The following RBMS1 variants were observed in gnomAD, a reference collection of about 807,000 sequenced individuals.
RBMS1 encodes the protein RNA-binding motif, single-stranded-interacting protein 1.
A neutral mutation model predicts 62.3 loss-of-function variants in RBMS1; 17 were observed. The observed-to-expected ratio is 0.27, with a 90% CI of 0.19 to 0.41. RBMS1 has a LOEUF of 0.41. Among genes scored for constraint, RBMS1 ranks in the 10% least tolerant of loss-of-function variants. The pLI, the probability that RBMS1 is intolerant of heterozygous loss-of-function variation, is 1.00. For synonymous variants in RBMS1, 172 were observed against 170.0 expected (o/e 1.01, Z -0.09); for missense variants, 334 against 504.5 (o/e 0.66, Z 3.24).
chr2:160,407,986 C>G, intron 1 of RBMS1: 1 of 916,186 alleles, frequency 1.1e-6, no homozygotes, highest in Non-Finnish European at 1.3e-6. Flanking sequence ...CCCCGCCCGC[C>G]CGCTGGGCGC....
intron 1 of RBMS1, among the ~76,000 whole-genome samples, chr2:160,381,082 T>G (rs1298081682): frequency 6.6e-6 from 1 of 152,194 alleles, no homozygotes; most frequent in Non-Finnish European, 1.5e-5. Flanking sequence ...GGAATACATG[T>G]AGAAACTTGG....
At chr2:160,425,568 T>C (rs1682514922) in intron 1 of RBMS1, among the ~76,000 whole-genome samples, 1 of 152,174 alleles carries the variant, frequency 6.6e-6, no homozygotes, top group South Asian at 2.1e-4. Context: ...GGTAGAGGAA[T>C]CATCACTTGG....
intron 6 of RBMS1, among the ~76,000 whole-genome samples, chr2:160,299,696 G>C (rs982177175): frequency 6.6e-6 from 1 of 151,978 alleles, no homozygotes; most frequent in Non-Finnish European, 1.5e-5. Context: ...TGCTGGGAGA[G>C]AGCAGGAAGC....
At chr2:160,475,195 A>C (rs927313591) in intron 1 of RBMS1, among the ~76,000 whole-genome samples, 6 of 152,232 alleles carry the variant, frequency 3.9e-5, no homozygotes, top group African/African-American at 1.2e-4. Context: ...ACTATCCATT[A>C]AGAAAAGTAG....
chr2:160,466,414 A>C (rs916148514), intron 1 of RBMS1, among the ~76,000 whole-genome samples: 8 of 152,146 alleles, frequency 5.3e-5, no homozygotes, highest in African/African-American at 1.9e-4. Context: ...AACCCTCTAA[A>C]TTAGACATCC....
intron 1 of RBMS1, among the ~76,000 whole-genome samples, chr2:160,478,007 C>T (rs139936555): frequency 5.1e-4 from 77 of 152,352 alleles, no homozygotes; most frequent in Non-Finnish European, 1.0e-3. Flanking sequence ...AGATGATTCT[C>T]TCAGTTCCAA....
At chr2:160,298,340 A>C (rs1689047733) in intron 6 of RBMS1, among the ~76,000 whole-genome samples, 1 of 151,928 alleles carries the variant, frequency 6.6e-6, no homozygotes, top group African/African-American at 2.4e-5. Flanking sequence ...TCTGGAGAGG[A>C]TGAATATAAG....
In RBMS1 at chr2:160,461,048, C is replaced by T. The variant is rs952718759; in HGVS notation, c.75+32241G>A. Among the ~76,000 whole-genome samples, 5 of 152,150 alleles carry T rather than the reference C, an allele frequency of 3.3e-5. No homozygotes were observed. In the East Asian group the frequency reaches 7.7e-4, roughly 23 times the overall value. ...CCAAGGCTGGAGGATCACTTAAAGCCGGTAGTTTGAGACCAGTCTGGGCAC... is the reference window on the plus strand; with the variant it reads ...CCAAGGCTGGAGGATCACTTAAAGCTGGTAGTTTGAGACCAGTCTGGGCAC... On this transcript the variant is annotated intron_variant, in intron 1 of 13. Transcript: ENST00000348849.
intron 1 of RBMS1, among the ~76,000 whole-genome samples, chr2:160,368,937 GC>G (rs1440999328): frequency 3.2e-4 from 49 of 152,252 alleles, no homozygotes; most frequent in African/African-American, 1.2e-3. Flanking sequence ...ATCGTGCCTG[GC>G]CCCATTAATT....
chr2:160,438,811 GCTC>G (rs1683236668), intron 1 of RBMS1, among the ~76,000 whole-genome samples: 2 of 152,160 alleles, frequency 1.3e-5, no homozygotes, highest in South Asian at 2.1e-4. Context: ...GGGCAGAGGG[GCTC>G]CTCACTTCCC....
chr2:160,483,897 T>A (rs1038402723), intron 1 of RBMS1, among the ~76,000 whole-genome samples: 1 of 131,218 alleles, frequency 7.6e-6, no homozygotes, highest in Non-Finnish European at 1.7e-5. Flanking sequence ...CAGAGTCTGT[T>A]GAGCTACAAC....
intron 1 of RBMS1, among the ~76,000 whole-genome samples, chr2:160,432,060 T>G (rs1439513960): frequency 6.6e-6 from 1 of 152,210 alleles, no homozygotes; most frequent in Non-Finnish European, 1.5e-5. Flanking sequence ...TTCAATACTA[T>G]TTATTGAACA....
intron 1 of RBMS1, chr2:160,492,738 G>C (rs937701946): frequency 6.5e-6 from 1 of 152,706 alleles, no homozygotes; most frequent in African/African-American, 2.4e-5. Flanking sequence ...GGCGAGGGGC[G>C]GGCGCTCAGG....
intron 2 of RBMS1, 149 bp downstream of exon 2, chr2:160,367,067 G>T (rs1693438577): frequency 5.9e-6 from 4 of 673,012 alleles, no homozygotes; most frequent in African/African-American, 1.8e-5. Context: ...TATTTAAGAA[G>T]TTAAAACTTG....
At chr2:160,450,580 C>CA (rs796115120) in intron 1 of RBMS1, among the ~76,000 whole-genome samples, 1 of 120,830 alleles carries the variant, frequency 8.3e-6, no homozygotes, top group African/African-American at 3.1e-5. Context: ...AAAAAAAAAA[C>CA]AAAAAACATT....
At chr2:160,394,636 C>A (rs896373307) in intron 1 of RBMS1, among the ~76,000 whole-genome samples, 1 of 152,200 alleles carries the variant, frequency 6.6e-6, no homozygotes, top group African/African-American at 2.4e-5. Flanking sequence ...TTGGCAGATA[C>A]TAGTTTATTT....
At chr2:160,350,394 T>C (rs948210012) in intron 2 of RBMS1, among the ~76,000 whole-genome samples, 5 of 152,082 alleles carry the variant, frequency 3.3e-5, no homozygotes, top group Non-Finnish European at 5.9e-5. Context: ...GGTCTAGCAG[T>C]ATCAGAGGTC....
intron 1 of RBMS1, among the ~76,000 whole-genome samples, chr2:160,429,272 G>T (rs1403893999): frequency 6.6e-6 from 1 of 152,024 alleles, no homozygotes; most frequent in Non-Finnish European, 1.5e-5. Flanking sequence ...TCTTGGAAAG[G>T]TTAACATTTC....
At chr2:160,476,481 A>G (rs1685132784) in intron 1 of RBMS1, among the ~76,000 whole-genome samples, 1 of 152,146 alleles carries the variant, frequency 6.6e-6, no homozygotes. Flanking sequence ...ATTCAATTCA[A>G]TAAACACTTA....
Sources: allele counts gnomAD v4.1 joint callset (sites outside exome capture counted in the v4.1 genomes callset), GRCh38; gene constraint gnomAD v4.1.1; transcripts MANE v1.5; gene names NCBI Gene and HGNC (gene_info 2026-07-23, HGNC 2026-07-21).